The following KLF12 variants were observed in gnomAD, a reference collection of about 807,000 sequenced individuals.
The protein encoded by KLF12 is Krueppel-like factor 12.
A neutral mutation model predicts 37.8 loss-of-function variants in KLF12; 9 were observed. The observed-to-expected ratio is 0.24, with a 90% CI of 0.14 to 0.42. The LOEUF is 0.42. KLF12 is among the 10% of genes least tolerant of loss of function. The pLI is 1.00. For missense variants in KLF12, 411 were observed against 516.0 expected, an observed-to-expected ratio of 0.80 and a Z score of 1.97; for synonymous variants, 208 against 202.1, an observed-to-expected ratio of 1.03 and a Z score of -0.25.
intron 1 of KLF12, among the ~76,000 whole-genome samples, chr13:74,079,065 G>C (rs987540340): frequency 6.6e-6 from 1 of 152,160 alleles, no homozygotes; most frequent in Non-Finnish European, 1.5e-5. Context: ...TAGGCACTCA[G>C]TAAATGTCTA....
At chr13:73,964,450 C>A (rs574362622) in intron 2 of KLF12, among the ~76,000 whole-genome samples, 10 of 152,068 alleles carry the variant, frequency 6.6e-5, no homozygotes, top group African/African-American at 2.2e-4. Flanking sequence ...GCAAAACCAC[C>A]GCTCAATTTC....
chr13:74,083,868 GTCT>G (rs1875088294), intron 1 of KLF12, among the ~76,000 whole-genome samples: 1 of 152,180 alleles, frequency 6.6e-6, no homozygotes, highest in Admixed American at 6.5e-5. Flanking sequence ...AATTCATTTT[GTCT>G]TTGGAAAGCA....
At chr13:73,951,898 C>T (rs937598888) in intron 2 of KLF12, among the ~76,000 whole-genome samples, 5 of 152,128 alleles carry the variant, frequency 3.3e-5, no homozygotes, top group South Asian at 4.1e-4. Flanking sequence ...TCTTTTTGTT[C>T]GTAACAGTAC....
At chr13:73,924,570 T>G (rs1020070027) in intron 3 of KLF12, among the ~76,000 whole-genome samples, 2 of 152,076 alleles carry the variant, frequency 1.3e-5, no homozygotes, top group African/African-American at 2.4e-5. Flanking sequence ...TCTCTTTCCA[T>G]CTCCTCCAGC....
intron 3 of KLF12, among the ~76,000 whole-genome samples, chr13:73,868,616 C>T (rs923879499): frequency 5.3e-5 from 8 of 152,060 alleles, no homozygotes. Flanking sequence ...GTCTCTCGAA[C>T]TCCTGACCTC....
intron 2 of KLF12, among the ~76,000 whole-genome samples, chr13:73,980,720 C>T (rs1891669079): frequency 6.6e-6 from 1 of 152,040 alleles, no homozygotes; most frequent in Non-Finnish European, 1.5e-5. Context: ...AATCAATAAA[C>T]ATATGAACCA....
chr13:73,940,028 A>G (rs1047927273), intron 3 of KLF12, among the ~76,000 whole-genome samples: 1 of 152,136 alleles, frequency 6.6e-6, no homozygotes. Context: ...TAACTTCCCA[A>G]TGTCATTCCA....
chr13:74,174,592 C>T, the KLF12 span, among the ~76,000 whole-genome samples: 7 of 152,178 alleles, frequency 4.6e-5, no homozygotes, highest in East Asian at 1.4e-3. Context: ...GAAAGGCATT[C>T]ACTGATGTTC....
the KLF12 span, among the ~76,000 whole-genome samples, chr13:74,276,030 A>G: frequency 0.072 from 10,834 of 151,350 alleles, 513 homozygotes; most frequent in South Asian, 0.17. Flanking sequence ...TTACATAGGC[A>G]TACATATGCC....
chr13:74,072,381 A>C (rs1266261276), intron 1 of KLF12, among the ~76,000 whole-genome samples: 18 of 114,854 alleles, frequency 1.6e-4, no homozygotes, highest in African/African-American at 7.0e-4. Context: ...ATATATATAT[A>C]TATATATATA....
chr13:73,928,646 A>C (rs140266432), intron 3 of KLF12, among the ~76,000 whole-genome samples: 6 of 152,346 alleles, frequency 3.9e-5, no homozygotes, highest in Admixed American at 3.9e-4. Flanking sequence ...ACATGATAAA[A>C]TAATGAGAAT....
In KLF12 at chr13:73,765,261, A is replaced by G. The variant is rs1879835835; in HGVS notation, c.807-261T>C. On this transcript the variant is annotated intron_variant, in intron 5 of 7. Transcript: ENST00000377669. ...AGACTCCCAGAGGCAGGACTGATGC[A>G]TTCATTCAGTCCAACAAAAGTGACT... is the stretch of plus-strand genomic sequence containing the variant. Among the ~76,000 whole-genome samples the G allele has an allele frequency of 3.3e-5, 5 of 152,144 alleles. No individual in the cohort carries two copies. In the South Asian group the frequency reaches 1.0e-3, roughly 32 times the overall value.
At chr13:74,246,276 GA>G in the KLF12 span, among the ~76,000 whole-genome samples, 148 of 152,290 alleles carry the variant, frequency 9.7e-4, 1 homozygote, top group African/African-American at 3.3e-3. Flanking sequence ...ATTGCAGGAT[GA>G]ACTAGGAATA....
chr13:73,790,297 T>C (rs927672385), intron 5 of KLF12, among the ~76,000 whole-genome samples: 1 of 152,210 alleles, frequency 6.6e-6, no homozygotes, highest in Non-Finnish European at 1.5e-5. Context: ...TTTCATTTTT[T>C]ATTTTTATTA....
At chr13:74,299,882 A>G in the KLF12 span, among the ~76,000 whole-genome samples, 2 of 152,186 alleles carry the variant, frequency 1.3e-5, no homozygotes, top group Non-Finnish European at 2.9e-5. Flanking sequence ...CCAGCAGTTC[A>G]GGAAAGGAGA....
chr13:73,886,056 G>C (rs997525060), intron 3 of KLF12, among the ~76,000 whole-genome samples: 2 of 152,128 alleles, frequency 1.3e-5, no homozygotes, highest in South Asian at 2.1e-4. Flanking sequence ...GGTGGTAGTA[G>C]AGGTCAGAAT....
intron 6 of KLF12, among the ~76,000 whole-genome samples, chr13:73,734,016 T>A (rs1383777664): frequency 6.6e-6 from 1 of 152,202 alleles, no homozygotes; most frequent in Admixed American, 6.5e-5. Context: ...TTGAGCGTCC[T>A]CTGCTCCGCC....
At chr13:73,779,497 C>T (rs1041292347) in intron 5 of KLF12, among the ~76,000 whole-genome samples, 5 of 152,352 alleles carry the variant, frequency 3.3e-5, no homozygotes, top group African/African-American at 1.2e-4. Context: ...GACATGGAAA[C>T]TCAGGGTTCC....
chr13:73,702,580 C>G (rs1002610693), intron 7 of KLF12, among the ~76,000 whole-genome samples: 1 of 152,130 alleles, frequency 6.6e-6, no homozygotes, highest in Non-Finnish European at 1.5e-5. Flanking sequence ...TTTTCTCAAG[C>G]AACTGAAAAG....
Sources: gnomAD v4.1 joint callset for allele counts (sites outside exome capture counted in the v4.1 genomes callset) on GRCh38, gnomAD v4.1.1 for gene constraint, MANE v1.5 for transcripts, NCBI Gene and HGNC (gene_info 2026-07-23, HGNC 2026-07-21) for gene names.